Variants in DAP3 observed in about 807,000 individuals in gnomAD.
DAP3 encodes the protein death associated protein 3.
DAP3 carries 28 observed loss-of-function variants against 51.9 expected under a neutral mutation model. The observed-to-expected ratio is 0.54, with a 90% confidence interval of 0.40 to 0.74. The LOEUF (loss-of-function observed/expected upper bound fraction) is 0.74. DAP3 is among the 30% of genes least tolerant of loss of function. DAP3 has a pLI of 0.00. For synonymous variants in DAP3, 170 were observed against 170.3 expected, an observed-to-expected ratio of 1.00 and a Z score of 0.01; for missense variants, 458 against 483.5, an observed-to-expected ratio of 0.95 and a Z score of 0.49.
chr1:155,712,945 T>C (rs750839195), intron 2 of DAP3, among the ~76,000 whole-genome samples: 3 of 152,202 alleles, frequency 2.0e-5, no homozygotes, highest in Non-Finnish European at 4.4e-5. Flanking sequence ...GGGTGTGTTA[T>C]TCAGATTGCT....
rs776124164 is a variant in DAP3, at chr1:155,692,033, G to A, written c.-8+2859G>A. ...GATCTAAGAAGCAGATGTTCAGGGC[G>A]AAACAGTCAAAGGGAAGCAGTACGT... On this transcript the variant is annotated intron_variant, in intron 1 of 12. Transcript: ENST00000368336. Among the ~76,000 whole-genome samples the A allele has an allele frequency of 4.9e-5, 7 of 141,728 alleles. 1 individual carries two copies. Among genetic ancestry groups the A allele is most frequent in the Admixed American group, 6.6e-5 (1 of 15,110 alleles). 93.0% of individuals were successfully genotyped at this position (141,728 alleles called of 152,430 possible).
At chr1:155,712,094 A>C (rs1486065788) in intron 2 of DAP3, among the ~76,000 whole-genome samples, 1 of 152,036 alleles carries the variant, frequency 6.6e-6, no homozygotes, top group Non-Finnish European at 1.5e-5. Context: ...ACACCCTCAC[A>C]GACACACCCA....
chr1:155,725,294 G>T, intron 4 of DAP3, 88 bp from the exon 5 acceptor site: 1 of 1,117,576 alleles, frequency 8.9e-7, no homozygotes, highest in Non-Finnish European at 1.4e-6. Flanking sequence ...TGATGGTCTT[G>T]GTTGCCACTT....
At chr1:155,696,203 CT>C (rs1654487049) in intron 1 of DAP3, among the ~76,000 whole-genome samples, 1 of 152,086 alleles carries the variant, frequency 6.6e-6, no homozygotes. Flanking sequence ...AACAATAACC[CT>C]CATTGAGGAG....
rs1327083426 is a variant in DAP3, at chr1:155,727,682, G to A, written c.547G>A (p.Glu183Lys). The change falls in exon 7 of 13, where the codon GAG becomes AAG. Residue 183 changes from glutamate to lysine, a missense_variant. By Grantham distance (56) the Glu-to-Lys change is moderately conservative. Transcript: ENST00000368336. ...YNKQRFDQPL[E>K]ASTWLKNFKT... Reference sequence around the variant, plus strand: ...CAAACAGCGCTTTGATCAACCTTTAGAGGCTTCAACCTGGCTGAAGAATTT... The same window carrying A: ...CAAACAGCGCTTTGATCAACCTTTAAAGGCTTCAACCTGGCTGAAGAATTT... The A allele has an allele frequency of 6.2e-7, 1 of 1,613,780 alleles. No homozygotes were observed. The highest frequency in any genetic ancestry group is 1.7e-4 in the Middle Eastern group (1 of 6,060).
chr1:155,700,745 G>A (rs1403346731), intron 1 of DAP3, among the ~76,000 whole-genome samples: 1 of 144,472 alleles, frequency 6.9e-6, no homozygotes, highest in Non-Finnish European at 1.5e-5. Context: ...GAGGGAGGTG[G>A]GGGGGTCAGC....
intron 1 of DAP3, among the ~76,000 whole-genome samples, chr1:155,692,795 G>T (rs1450559306): frequency 7.0e-6 from 1 of 142,134 alleles, no homozygotes; most frequent in Non-Finnish European, 1.5e-5. Context: ...TGCAATCGAT[G>T]CTCTAAGCTT....
At chr1:155,703,241 A>G (rs1355543714) in intron 1 of DAP3, among the ~76,000 whole-genome samples, 1 of 152,198 alleles carries the variant, frequency 6.6e-6, no homozygotes, top group Non-Finnish European at 1.5e-5. Context: ...AAAGAGGTTT[A>G]ATGGACTCAC....
upstream of DAP3, chr1:155,688,772 T>C (rs1653166026): frequency 1.4e-6 from 2 of 1,443,046 alleles, no homozygotes; most frequent in Admixed American, 2.2e-5. Context: ...ACCCCCACCC[T>C]ACACTCCTCG....
upstream of DAP3, chr1:155,688,104 G>T (rs149875937): frequency 4.3e-5 from 69 of 1,609,110 alleles, no homozygotes; most frequent in Non-Finnish European, 5.2e-5. Context: ...AGAGTACAGG[G>T]AAGTGAGGAA....
In DAP3 at chr1:155,709,843, G is replaced by A. The variant is rs751007324; in HGVS notation, c.45+19G>A. The A allele has an allele frequency of 1.4e-5, 23 of 1,610,392 alleles. No homozygotes were observed. Among genetic ancestry groups the A allele is most frequent in the Non-Finnish European group, 1.8e-5 (21 of 1,177,658 alleles). The stretch of plus-strand genomic sequence containing the variant: ...CCATAAGGTGAGTCCTGACTGACCT[G>A]AACACTCTGTGCATACTGCCTTTAG... On this transcript the variant is annotated intron_variant, in intron 2 of 12. Transcript: ENST00000368336.
At chr1:155,732,154 G>GC in intron 11 of DAP3, 121 bp downstream of exon 11, 1 of 742,894 alleles carries the variant, frequency 1.3e-6, no homozygotes, top group East Asian at 3.1e-5. Flanking sequence ...ATTCCTGTAT[G>GC]CCCTTCCCCT....
chr1:155,705,295 A>T (rs986586875), intron 1 of DAP3, among the ~76,000 whole-genome samples: 1 of 151,306 alleles, frequency 6.6e-6, no homozygotes, highest in African/African-American at 2.4e-5. Flanking sequence ...CAAGAAAAAT[A>T]ACAAATGTGA....
chr1:155,731,925 C>G lies in DAP3; in HGVS notation c.904-19C>G. 1 of 1,588,406 alleles carries G rather than the reference C, an allele frequency of 6.3e-7. No individual in the cohort carries two copies. Among genetic ancestry groups the G allele is most frequent in the Non-Finnish European group, 8.5e-7 (1 of 1,170,384 alleles). Reference sequence around the variant, plus strand: ...CCTTTTTAACTTTTTCCAGTTCAGCCTTTTCTCTTTTCTTTCAGCATGGAG... The same window carrying G: ...CCTTTTTAACTTTTTCCAGTTCAGCGTTTTCTCTTTTCTTTCAGCATGGAG... On this transcript the variant is annotated intron_variant, in intron 10 of 12. Coordinates refer to ENST00000368336, the MANE Select transcript of DAP3 (RefSeq NM_004632.4).
chr1:155,720,804 C>G (rs2175389), intron 3 of DAP3, among the ~76,000 whole-genome samples: 5,342 of 151,576 alleles, frequency 0.035, 332 homozygotes, highest in African/African-American at 0.12. Context: ...TTTGGGAGGT[C>G]GAGGTGAGCG....
At chr1:155,717,243 G>T in intron 3 of DAP3, 115 bp downstream of exon 3, 1 of 1,502,320 alleles carries the variant, frequency 6.7e-7, no homozygotes, top group Non-Finnish European at 9.0e-7. Flanking sequence ...CATTTACTCA[G>T]ATAGTGCACC....
At chr1:155,703,351 T>G (rs2149130733) in intron 1 of DAP3, among the ~76,000 whole-genome samples, 1 of 152,298 alleles carries the variant, frequency 6.6e-6, no homozygotes, top group Non-Finnish European at 1.5e-5. Context: ...GAGAGCCAAG[T>G]GAAAGGGGAA....
chr1:155,735,470 G>A lies in DAP3; in HGVS notation c.994-1476G>A, dbSNP rs570765288. Among the ~76,000 whole-genome samples the A allele has an allele frequency of 1.4e-3, 218 of 150,984 alleles. 1 individual carries two copies. Among genetic ancestry groups the A allele is most frequent in the African/African-American group, 4.7e-3 (195 of 41,168 alleles). The stretch of plus-strand genomic sequence containing the variant: ...TGCAGGCATGTAATGCCAGCTACTC[G>A]TGAGGCTGAGACAGGAGAATCGCTT... On this transcript the variant is annotated intron_variant, in intron 11 of 12. Transcript: ENST00000368336.
At chr1:155,689,495 G>A (rs1653367469) in intron 1 of DAP3, 1 of 454,992 alleles carries the variant, frequency 2.2e-6, no homozygotes, top group Non-Finnish European at 4.4e-6. Flanking sequence ...GAAACCATGT[G>A]CTTCTCATTC....
Sources: gnomAD v4.1 joint callset for allele counts (sites outside exome capture counted in the v4.1 genomes callset) on GRCh38, gnomAD v4.1.1 for gene constraint, MANE v1.5 for transcripts, NCBI Gene and HGNC (gene_info 2026-07-23, HGNC 2026-07-21) for gene names.